The following CCDC180 variants were observed in gnomAD, a reference collection of about 807,000 sequenced individuals.
CCDC180 encodes the protein coiled-coil domain containing 180.
Under a neutral mutation model 209.2 loss-of-function variants are expected in CCDC180, and 154 were observed. The ratio of observed to expected loss-of-function variants is 0.74; its 90% CI spans 0.65 to 0.84. CCDC180 has a LOEUF of 0.84. CCDC180 is among the 40% of genes least tolerant of loss of function. The probability of loss-of-function intolerance (pLI) is 0.00; values close to 1 mark genes in which losing one functional copy is unlikely to be tolerated. For synonymous variants in CCDC180, 778 were observed against 749.1 expected, an observed-to-expected ratio of 1.04 and a Z score of -0.63; for missense variants, 1,874 against 1,997.3, an observed-to-expected ratio of 0.94 and a Z score of 1.18.
rs149078720 is a variant in CCDC180, at chr9:97,328,282, G to A, written c.1788+136G>A. 4,517 of 985,684 alleles carry A rather than the reference G, an allele frequency of 4.6e-3. 16 individuals carry two copies. The highest frequency in any genetic ancestry group is 4.7e-3 in the Non-Finnish European group (3,227 of 689,846). The allele number at this position is 985,684 out of a possible 1,614,324, so 61.1% of individuals were successfully genotyped here. ...TTCAAATCAATGCAAGAAGAAAGAA[G>A]CTGAAAGTGTCTCTAAAGAGACCAT... On this transcript the variant is annotated intron_variant, in intron 16 of 36. Transcript: ENST00000529487.
At position 97,347,455 on chromosome 9, in the gene CCDC180, G is replaced by A. The variant is rs1233055989; in HGVS notation, c.2640G>A (p.Gln880=). The A allele has an allele frequency of 6.5e-7, 1 of 1,536,060 alleles. No individual in the cohort carries two copies. The highest frequency in any genetic ancestry group is 8.7e-7 in the Non-Finnish European group (1 of 1,146,924). The change falls in exon 20 of 37, where the codon CAG becomes CAA. Residue 880 remains glutamine, a synonymous_variant. Coordinates refer to ENST00000529487, the MANE Select transcript of CCDC180 (RefSeq NM_020893.6). The part of the protein sequence containing the change: ...LHLHLHQPRA[Q]QIEKDIHNVR... ...TGCACCTGCACCAGCCAAGAGCCCA[G>A]CAGATTGAAAAAGACATCCACAACG...
intron 24 of CCDC180, among the ~76,000 whole-genome samples, chr9:97,356,610 C>G (rs866006904): frequency 6.6e-6 from 1 of 152,174 alleles, no homozygotes; most frequent in South Asian, 2.1e-4. Flanking sequence ...GGAGCAGAGC[C>G]CACGGCTCCA....
intron 33 of CCDC180, 172 bp downstream of exon 33, chr9:97,370,950 CTTTTTTTTTTTTT>C (rs67153822): frequency 2.7e-5 from 3 of 112,920 alleles, no homozygotes; most frequent in African/African-American, 1.5e-4. Context: ...AACTTGTATA[CTTTTTTTTTTTTT>C]TTTTTTTTTT....
At chr9:97,319,554 G>C (rs1485229964) in intron 10 of CCDC180, among the ~76,000 whole-genome samples, 4 of 152,136 alleles carry the variant, frequency 2.6e-5, no homozygotes, top group African/African-American at 9.7e-5. Context: ...TCAAAGTTTA[G>C]CTCCCACTTG....
At chr9:97,353,031 C>T (rs1311158220) in intron 22 of CCDC180, among the ~76,000 whole-genome samples, 1 of 151,970 alleles carries the variant, frequency 6.6e-6, no homozygotes, top group Non-Finnish European at 1.5e-5. Flanking sequence ...GAGTCTTGCT[C>T]TCTCACCCAG....
In CCDC180 at chr9:97,314,683, G is replaced by C; in HGVS notation, c.654G>C (p.Glu218Asp). ...RLLLRKQEIK[E>D]LDEALHSLEF... The stretch of plus-strand genomic sequence containing the variant: ...TGCTCCGGAAGCAGGAGATTAAGGA[G>C]CTGGATGAGGCCCTGCACTCGCTGG... Residue 218 changes from glutamate to aspartate, a missense_variant, in exon 7 of 37, where the codon GAG (glutamate) becomes GAC (aspartate). Physicochemically the swap from Glu to Asp is conservative, Grantham distance 45. Transcript: ENST00000529487. 6.2e-7 allele frequency: 1 copy of C among 1,614,086 alleles called. No homozygotes were observed. The highest frequency in any genetic ancestry group is 1.3e-5 in the African/African-American group (1 of 75,062).
chr9:97,328,235 A>C (rs879143152), intron 16 of CCDC180, 89 bp downstream of exon 16: 2 of 1,440,748 alleles, frequency 1.4e-6, no homozygotes, highest in Non-Finnish European at 1.9e-6. Flanking sequence ...AGACTTTGAA[A>C]GCCATTCCTA....
chr9:97,360,016 A>G lies in CCDC180; in HGVS notation c.3398A>G (p.Gln1133Arg), dbSNP rs745564653. The G allele has an allele frequency of 8.7e-6, 14 of 1,613,752 alleles. No homozygotes were observed. The Admixed American group carries it at 2.3e-4, about 27-fold the overall frequency. ...VTTEELLSFV[Q>R]TWKEKLSQRI... is the part of the protein sequence containing the mutation. ...ACAGAAGAACTCCTCAGCTTCGTCC[A>G]AACTTGGAAGGAAAAACTGAGCCAG... is the stretch of plus-strand genomic sequence containing the variant. Residue 1133 changes from glutamine to arginine, a missense_variant, in exon 26 of 37, where the codon CAA becomes CGA. Transcript: ENST00000529487.
intron 4 of CCDC180, among the ~76,000 whole-genome samples, chr9:97,312,613 G>A (rs1476831551): frequency 2.0e-5 from 3 of 152,128 alleles, no homozygotes; most frequent in Non-Finnish European, 4.4e-5. Context: ...AAAGGAAGGA[G>A]AAAAAGAGAA....
intron 34 of CCDC180, chr9:97,372,026 G>A (rs10817491): frequency 0.21 from 40,818 of 189,900 alleles, 4,809 homozygotes; most frequent in East Asian, 0.41. Flanking sequence ...AAAAAATCCC[G>A]AAAAATGTCA....
intron 33 of CCDC180, 172 bp downstream of exon 33, chr9:97,370,950 CT>C (rs67153822): frequency 0.034 from 3,957 of 114,716 alleles, 1 homozygote; most frequent in Middle Eastern, 0.079. Context: ...AACTTGTATA[CT>C]TTTTTTTTTT....
At chr9:97,370,471 T>C (rs1253384344) in intron 32 of CCDC180, among the ~76,000 whole-genome samples, 170 bp from the exon 33 acceptor site, 3 of 151,982 alleles carry the variant, frequency 2.0e-5, no homozygotes, top group Non-Finnish European at 2.9e-5. Flanking sequence ...GAGTCAGCTC[T>C]AGCCATGCCC....
At chr9:97,359,236 A>G (rs59602329) in intron 25 of CCDC180, among the ~76,000 whole-genome samples, 17,075 of 152,106 alleles carry the variant, frequency 0.11, 2,750 homozygotes, top group African/African-American at 0.35. Context: ...AGGCAGCTCT[A>G]CCTCTCCAGA....
intron 8 of CCDC180, among the ~76,000 whole-genome samples, chr9:97,315,275 G>A (rs553396464): frequency 6.6e-6 from 1 of 152,186 alleles, no homozygotes. Flanking sequence ...GCAACTGTGT[G>A]CAATGCAATA....
Position 97,330,227 on chromosome 9 carries a change from A to T in CCDC180, c.1828+34A>T, listed in dbSNP as rs370483610. 74 of 1,613,242 alleles carry T rather than the reference A, an allele frequency of 4.6e-5. 1 individual carries two copies. In the African/African-American group the frequency reaches 8.8e-4, roughly 19 times the overall value. ...TTTTCAATTCAAGTTTTATTCTCCC[A>T]GACTTCACTCTTACGCGTTTGTGGG... is the stretch of plus-strand genomic sequence containing the variant. On this transcript the variant is annotated intron_variant, in intron 17 of 36. Transcript: ENST00000529487.
chr9:97,318,131 G>A (rs886384057), intron 9 of CCDC180, among the ~76,000 whole-genome samples: 1 of 152,186 alleles, frequency 6.6e-6, no homozygotes, highest in African/African-American at 2.4e-5. Flanking sequence ...AGAAGGACTT[G>A]ACCAAAGTTA....
intron 20 of CCDC180, among the ~76,000 whole-genome samples, chr9:97,348,429 G>A (rs953704642): frequency 1.3e-5 from 2 of 152,206 alleles, no homozygotes; most frequent in African/African-American, 4.8e-5. Context: ...GCTCCCTGAA[G>A]GCTGGCTCCA....
chr9:97,374,732 C>A, intron 35 of CCDC180, 84 bp downstream of exon 35: 1 of 1,093,518 alleles, frequency 9.1e-7, no homozygotes, highest in South Asian at 1.4e-5. Flanking sequence ...GGCTTGGACT[C>A]TGAAGTCAGA....
Position 97,340,395 on chromosome 9 carries a change from C to T in CCDC180, c.2275-2945C>T, listed in dbSNP as rs527824344. ...TGTGGGCGGCAAGCCACCCAGGTGC[C>T]GAGGCAAGAGACCGAGGACACGAGC... On this transcript the variant is annotated intron_variant, in intron 18 of 36. Coordinates refer to ENST00000529487, the MANE Select transcript of CCDC180 (RefSeq NM_020893.6). Among the ~76,000 whole-genome samples the T allele has an allele frequency of 1.2e-4, 18 of 151,826 alleles. 1 individual carries two copies. The highest frequency in any genetic ancestry group is 5.8e-4 in the East Asian group (3 of 5,168).
Sources: gnomAD v4.1 joint callset for allele counts (sites outside exome capture counted in the v4.1 genomes callset) on GRCh38, gnomAD v4.1.1 for gene constraint, MANE v1.5 for transcripts, NCBI Gene and HGNC (gene_info 2026-07-23, HGNC 2026-07-21) for gene names.